ARMCX4: variants seen among roughly 807,000 people sequenced by gnomAD.
ARMCX4 encodes armadillo repeat-containing X-linked protein 4.
In ARMCX4, 3 loss-of-function variants were observed where a neutral mutation model predicts 34.7. The ratio of observed to expected loss-of-function variants is 0.09; its 90% CI spans 0.04 to 0.22. The LOEUF (loss-of-function observed/expected upper bound fraction) is 0.22, where lower values mean the gene tolerates loss of function less well. ARMCX4 is among the 10% of genes least tolerant of loss of function. The probability of loss-of-function intolerance (pLI) is 1.00; values close to 1 mark genes in which losing one functional copy is unlikely to be tolerated. For synonymous variants in ARMCX4, 513 were observed against 632.8 expected (o/e 0.81, Z 2.84); for missense variants, 1,448 against 1,720.8 (o/e 0.84, Z 2.81).
chrX:101,499,165 A>G (rs1211977323), downstream of ARMCX4: 1 of 111,803 alleles, frequency 8.9e-6, no homozygotes, highest in Admixed American at 9.5e-5. Flanking sequence ...ATAAACTGGA[A>G]TATGGGAGAA....
chrX:101,434,138 G>T (rs1201829426), intron 2 of ARMCX4, among the ~76,000 whole-genome samples: 1 of 109,897 alleles, frequency 9.1e-6, no homozygotes, highest in South Asian at 3.9e-4. Flanking sequence ...TAGAGACGTG[G>T]GTCTCACCAT....
chrX:101,478,911 G>A (rs2083347929), intron 4 of ARMCX4, among the ~76,000 whole-genome samples: 3 of 110,640 alleles, frequency 2.7e-5, no homozygotes, highest in Admixed American at 9.7e-5. Flanking sequence ...TTACATTGAC[G>A]GGAAATGAAA....
rs1556007646 is a variant in ARMCX4 at position 101,488,827 on chromosome X, A to G, written c.238A>G (p.Arg80Gly). The change falls in exon 6 of 6, where the codon AGA (arginine) becomes GGA (glycine). Residue 80 changes from arginine to glycine, a missense_variant. By Grantham distance (125) the Arg-to-Gly change is moderately radical. This residue lies in a region of ARMCX4 where 1,343 missense variants were observed against 1,540.7 expected (regional missense o/e 0.87). Coordinates refer to ENST00000423738, the MANE Select transcript of ARMCX4 (RefSeq NM_001256155.3). ...CGAGATTGGAGCAGAAACTGGAGCA[A>G]GAAGTGGGCCTAGGGCTGAAGTAGA... ...QVEIGAETGARSGPRAEVETK... is the reference protein window; with the variant it reads ...QVEIGAETGAGSGPRAEVETK... 8.6e-7 allele frequency: 1 copy of G among 1,156,453 alleles called. No homozygotes were observed. The highest frequency in any genetic ancestry group is 1.1e-6 in the Non-Finnish European group (1 of 873,101).
intron 2 of ARMCX4, among the ~76,000 whole-genome samples, chrX:101,427,190 C>T (rs1929674928): frequency 8.9e-6 from 1 of 112,329 alleles, no homozygotes; most frequent in East Asian, 2.8e-4. Context: ...AGGTCTAAGA[C>T]TCAGTGTTTT....
chrX:101,504,801 C>T (rs145806786), intron 7 of ARMCX4: 24 of 111,051 alleles, frequency 2.2e-4, no homozygotes, highest in African/African-American at 6.9e-4. Flanking sequence ...TCTTCTTGGG[C>T]AAAAAGGTCC....
intron 10 of ARMCX4, among the ~76,000 whole-genome samples, chrX:101,510,060 C>T (rs1380247415): frequency 9.0e-6 from 1 of 111,719 alleles, no homozygotes; most frequent in African/African-American, 3.3e-5. Context: ...TCCCCTTTTC[C>T]GAAAACAGAT....
Position 101,493,991 on chromosome X carries a change from C to G in ARMCX4, c.5402C>G (p.Ala1801Gly), listed in dbSNP as rs1556010688. 2.1e-6 allele frequency: 2 copies of G among 969,674 alleles called. No homozygotes were observed. Among genetic ancestry groups the G allele is most frequent in the South Asian group, 4.2e-5 (2 of 47,224 alleles). The allele number at this position is 969,674 out of a possible 1,213,427, so 79.9% of individuals were successfully genotyped here. A position where few individuals can be genotyped will look rare whatever the true frequency, so the allele number is the denominator to read the frequency against. Reference sequence around the variant, plus strand: ...TCCTGGATTAGATCTGAGGAGGTGGCTTATATGGGCTCCTGTGTAGGGGCT... The same window carrying G: ...TCCTGGATTAGATCTGAGGAGGTGGGTTATATGGGCTCCTGTGTAGGGGCT... ...SGSWIRSEEV[A>G]YMGSCVGAEA... The change falls in exon 6 of 6, where the codon GCT becomes GGT. Residue 1801 changes from alanine (A) to glycine (G), a missense_variant. Physicochemically the swap from Ala to Gly is moderately conservative, Grantham distance 60. Around this residue, in one of 2 missense-constraint regions of ARMCX4, gnomAD observed 1,343 missense variants for 1,540.7 expected, o/e 0.87. Transcript: ENST00000423738.
chrX:101,503,395 C>T (rs1232711470), intron 7 of ARMCX4, among the ~76,000 whole-genome samples: 1 of 111,405 alleles, frequency 9.0e-6, no homozygotes, highest in Non-Finnish European at 1.9e-5. Flanking sequence ...AGTTTACAGT[C>T]CCACCAACAG....
At chrX:101,500,620 A>G (rs1934276973), downstream of ARMCX4, among the ~76,000 whole-genome samples, 1 of 112,474 alleles carries the variant, frequency 8.9e-6, no homozygotes, top group African/African-American at 3.2e-5. Context: ...GGCATACCAG[A>G]CATGATATCT....
At chrX:101,507,108 T>C (rs1934470278) in intron 8 of ARMCX4, among the ~76,000 whole-genome samples, 1 of 111,353 alleles carries the variant, frequency 9.0e-6, no homozygotes, top group African/African-American at 3.3e-5. Context: ...TCCCAATATA[T>C]TGTTGTTGTT....
At chrX:101,433,147 CAT>C (rs1201480483) in intron 2 of ARMCX4, among the ~76,000 whole-genome samples, 8 of 98,492 alleles carry the variant, frequency 8.1e-5, no homozygotes, top group African/African-American at 2.8e-4. Context: ...TATATACTCA[CAT>C]ATACACATAT....
At chrX:101,523,906 A>T (rs1433699594) in intron 11 of ARMCX4, among the ~76,000 whole-genome samples, 1 of 111,237 alleles carries the variant, frequency 9.0e-6, no homozygotes, top group East Asian at 2.8e-4. Flanking sequence ...GTCTACCAAG[A>T]TCTTCACTGT....
upstream of ARMCX4, among the ~76,000 whole-genome samples, chrX:101,482,890 CTTTTTT>C (rs36075508): frequency 5.5e-5 from 3 of 54,738 alleles, no homozygotes; most frequent in African/African-American, 2.6e-4. Flanking sequence ...TTGCGTCAGG[CTTTTTT>C]TTTTTTTTTT....
chrX:101,523,401 G>A (rs781945005), intron 11 of ARMCX4, among the ~76,000 whole-genome samples: 22 of 111,980 alleles, frequency 2.0e-4, no homozygotes, highest in African/African-American at 6.8e-4. Context: ...AACTATGAGA[G>A]CCATCTCCAA....
At chrX:101,526,183 A>G (rs1452782383) in intron 11 of ARMCX4, among the ~76,000 whole-genome samples, 3 of 112,142 alleles carry the variant, frequency 2.7e-5, no homozygotes, top group East Asian at 5.6e-4. Context: ...AATATTCAAC[A>G]TTCTTAAAGA....
downstream of ARMCX4, among the ~76,000 whole-genome samples, chrX:101,535,006 T>C (rs1935196494): frequency 9.0e-6 from 1 of 111,699 alleles, no homozygotes; most frequent in African/African-American, 3.2e-5. Context: ...AATGCATTTC[T>C]GTATAAAATA....
At chrX:101,518,381 G>C (rs1934785262) in intron 11 of ARMCX4, among the ~76,000 whole-genome samples, 1 of 111,474 alleles carries the variant, frequency 9.0e-6, no homozygotes, top group Non-Finnish European at 1.9e-5. Flanking sequence ...TATAGATAGT[G>C]GTTAAATGGT....
intron 4 of ARMCX4, among the ~76,000 whole-genome samples, chrX:101,454,125 C>T (rs782404861): frequency 9.0e-6 from 1 of 110,616 alleles, no homozygotes; most frequent in East Asian, 2.9e-4. Context: ...AGCCATTTAA[C>T]TCACACTTGG....
Position 101,494,874 on chromosome X carries a change from C to T in ARMCX4, c.6285C>T (p.Pro2095=). ...ISVIESLLNN[P]YPSVRQKALN... The stretch of plus-strand genomic sequence containing the variant: ...TTATTGAAAGCTTGCTCAATAATCC[C>T]TACCCCAGTGTTAGGCAGAAGGCTT... The change falls in exon 6 of 6, where the codon CCC becomes CCT. Residue 2095 remains proline, a synonymous_variant. Transcript: ENST00000423738. 8.7e-7 allele frequency: 1 copy of T among 1,155,500 alleles called. No homozygotes were observed. Among genetic ancestry groups the T allele is most frequent in the African/African-American group, 1.8e-5 (1 of 56,284 alleles).
Sources: gnomAD v4.1 joint callset for allele counts (sites outside exome capture counted in the v4.1 genomes callset) on GRCh38, gnomAD v4.1.1 for gene constraint, gnomAD v4.1.1 regional missense constraint, MANE v1.5 for transcripts, NCBI Gene and HGNC (gene_info 2026-07-23, HGNC 2026-07-21) for gene names.